The following ETS1 variants were observed in gnomAD, a reference collection of about 807,000 sequenced individuals.
The protein encoded by ETS1 is protein C-ets-1.
ETS1 carries 15 observed loss-of-function variants against 58.6 expected under a neutral mutation model. The observed-to-expected ratio is 0.26, with a 90% confidence interval of 0.17 to 0.39. The LOEUF (loss-of-function observed/expected upper bound fraction) is 0.39, where lower values mean the gene tolerates loss of function less well. Ranked by LOEUF, ETS1 falls within the 10% of genes least tolerant of loss-of-function variation. The pLI, the probability that ETS1 is intolerant of heterozygous loss-of-function variation, is 1.00. For synonymous variants in ETS1, 214 were observed against 218.2 expected, an observed-to-expected ratio of 0.98 and a Z score of 0.17; for missense variants, 417 against 610.5, an observed-to-expected ratio of 0.68 and a Z score of 3.34.
At chr11:128,536,435 ATAG>A (rs1863973799) in intron 3 of ETS1, 2 of 152,254 alleles carry the variant, frequency 1.3e-5, no homozygotes. Flanking sequence ...ATTTATTCAA[ATAG>A]TAAGAAGAGA....
At position 128,571,512 on chromosome 11, in the gene ETS1, A is replaced by AGCCTGGACG. The variant is rs1864632419; in HGVS notation, c.69+1549_69+1550insCGTCCAGGC. Among the ~76,000 whole-genome samples, 28 of 5,952 alleles carry AGCCTGGACG rather than the reference A, an allele frequency of 4.7e-3. 6 individuals are homozygous for AGCCTGGACG. Among genetic ancestry groups the AGCCTGGACG allele is most frequent in the African/African-American group, 0.02 (27 of 1,354 alleles). The allele number at this position is 5,952 out of a possible 152,430, so 3.9% of individuals were successfully genotyped here. ...GAGCAAGACTCCGTCAAAAAAAAAA[A>AGCCTGGACG]AAAAAAAAAAAAAAAAAAAAAAAAA... On this transcript the variant is annotated intron_variant, in intron 2 of 9. Transcript: ENST00000392668.
chr11:128,565,684 C>T (rs1049533331), intron 2 of ETS1, among the ~76,000 whole-genome samples: 6 of 152,176 alleles, frequency 3.9e-5, no homozygotes, highest in African/African-American at 1.4e-4. Flanking sequence ...ATTTCTGTGA[C>T]AACCACTAAG....
rs548185207 is a variant in ETS1, at chr11:128,556,419, T to C, written c.86A>G (p.Asn29Ser). 6.2e-7 allele frequency: 1 copy of C among 1,611,014 alleles called. No homozygotes were observed. Among genetic ancestry groups the C allele is most frequent in the East Asian group, 2.2e-5 (1 of 44,856 alleles). ...RPAVVRQGPS[N>S]TYEDPRMNCG... ...GTTCATTCGAGGATCTTCATAAGTGTTGCTAGGTCCTTGCCTCTGTGCAAG... is the reference window on the plus strand; with the variant it reads ...GTTCATTCGAGGATCTTCATAAGTGCTGCTAGGTCCTTGCCTCTGTGCAAG... Residue 29 changes from asparagine to serine, a missense_variant, in exon 3 of 10, where the codon AAC becomes AGC. By Grantham distance (46) the Asn-to-Ser change is conservative (BLOSUM62 1). Around this residue, in one of 4 missense-constraint regions of ETS1, gnomAD observed 90 missense variants for 90.3 expected, o/e 1.00. Transcript: ENST00000392668.
intron 3 of ETS1, among the ~76,000 whole-genome samples, chr11:128,509,097 C>T (rs2135496009): frequency 6.6e-6 from 1 of 152,266 alleles, no homozygotes; most frequent in African/African-American, 2.4e-5. Flanking sequence ...CCTTTGGAGA[C>T]TTTGCAGTCA....
At chr11:128,501,101 T>A (rs557966730) in intron 3 of ETS1, among the ~76,000 whole-genome samples, 1 of 152,296 alleles carries the variant, frequency 6.6e-6, no homozygotes, top group South Asian at 2.1e-4. Context: ...GCTTTCTTCC[T>A]CCTATCATCA....
At chr11:128,544,312 C>T (rs1055223942) in intron 3 of ETS1, among the ~76,000 whole-genome samples, 3 of 138,710 alleles carry the variant, frequency 2.2e-5, no homozygotes, top group African/African-American at 8.0e-5. Context: ...TTTGAAAGGG[C>T]AGATGAAAAA....
At chr11:128,494,096 C>T (rs1041929062) in intron 3 of ETS1, among the ~76,000 whole-genome samples, 1 of 152,210 alleles carries the variant, frequency 6.6e-6, no homozygotes, top group Non-Finnish European at 1.5e-5. Flanking sequence ...CCTCCATAGA[C>T]ATTAACTAAT....
rs1234586069 is a variant in ETS1 at position 128,460,380 on chromosome 11, C to T, written c.*1981G>A. On this transcript the variant is annotated 3_prime_UTR_variant, in exon 10 of 10. Coordinates refer to ENST00000392668, the MANE Select transcript of ETS1 (RefSeq NM_001143820.2). The stretch of plus-strand genomic sequence containing the variant: ...ACTCATGAATCACAGAGCTATGTTC[C>T]TGATAATTCTGGGTCTGCAAGAGGA... 1 of 152,740 alleles carries T rather than the reference C, an allele frequency of 6.5e-6. No individual in the cohort carries two copies. Among genetic ancestry groups the T allele is most frequent in the Non-Finnish European group, 1.5e-5 (1 of 68,036 alleles). 9.5% of individuals were successfully genotyped at this position (152,740 alleles called of 1,614,324 possible). A position where few individuals can be genotyped will look rare whatever the true frequency, so the allele number is the denominator to read the frequency against.
Position 128,480,514 on chromosome 11 carries a change from C to T in ETS1, c.863-63G>A, listed in dbSNP as rs139204197. ...AGGAGGGAGTGGGAAAAAAAAAAAA[C>T]TGTAAAAACCCTCTTATGGAGGACA... On this transcript the variant is annotated intron_variant, in intron 7 of 9. Coordinates refer to ENST00000392668, the MANE Select transcript of ETS1 (RefSeq NM_001143820.2). 9,917 of 1,061,406 alleles carry T rather than the reference C, an allele frequency of 9.3e-3. 127 individuals carry two copies. Among genetic ancestry groups the T allele is most frequent in the Non-Finnish European group, 8.8e-3 (6,177 of 702,888 alleles). The allele number at this position is 1,061,406 out of a possible 1,614,324, so 65.7% of individuals were successfully genotyped here.
At chr11:128,570,230 T>G (rs1240650003) in intron 2 of ETS1, among the ~76,000 whole-genome samples, 2 of 148,060 alleles carry the variant, frequency 1.4e-5, no homozygotes, top group African/African-American at 4.9e-5. Flanking sequence ...TTCTTTCTTT[T>G]TCTTTTCCTT....
rs201074015 is a variant in ETS1, at chr11:128,485,091, A to C, written c.614-20T>G. ...CATAGCCTGGAAACAAAGGGTTTGC[A>C]AGTAAAGAGAGGAGAGATTTGTACC... is the stretch of plus-strand genomic sequence containing the variant. On this transcript the variant is annotated intron_variant, in intron 6 of 9. Coordinates refer to ENST00000392668, the MANE Select transcript of ETS1 (RefSeq NM_001143820.2). 5.2e-5 allele frequency: 83 copies of C among 1,602,742 alleles called. No individual in the cohort carries two copies. Among genetic ancestry groups the C allele is most frequent in the Non-Finnish European group, 6.2e-5 (73 of 1,172,062 alleles).
intron 8 of ETS1, among the ~76,000 whole-genome samples, chr11:128,469,700 C>G (rs532112622): frequency 6.6e-6 from 1 of 152,176 alleles, no homozygotes; most frequent in Non-Finnish European, 1.5e-5. Flanking sequence ...ATGAATAACT[C>G]AAGAAACTGT....
intron 3 of ETS1, among the ~76,000 whole-genome samples, chr11:128,547,191 A>C (rs1474917523): frequency 1.3e-5 from 2 of 152,224 alleles, no homozygotes; most frequent in African/African-American, 4.8e-5. Context: ...AATTCATCCC[A>C]GTTCAACAAA....
chr11:128,536,416 G>A (rs1223972891), intron 3 of ETS1: 6 of 152,168 alleles, frequency 3.9e-5, no homozygotes, highest in African/African-American at 1.2e-4. Context: ...GATGCATATA[G>A]TCAATATAAT....
chr11:128,475,726 T>C (rs913669257), intron 8 of ETS1, among the ~76,000 whole-genome samples: 2 of 152,112 alleles, frequency 1.3e-5, no homozygotes, highest in African/African-American at 4.8e-5. Flanking sequence ...TAGTTTTTTG[T>C]ATTTTTAGTA....
At chr11:128,537,316 G>C (rs955007795) in intron 3 of ETS1, among the ~76,000 whole-genome samples, 1 of 152,032 alleles carries the variant, frequency 6.6e-6, no homozygotes, top group Admixed American at 6.6e-5. Context: ...GAGTGTGTAG[G>C]GGGAGAGGGA....
chr11:128,467,126 G>A (rs1862060663), intron 8 of ETS1, among the ~76,000 whole-genome samples: 1 of 152,202 alleles, frequency 6.6e-6, no homozygotes, highest in African/African-American at 2.4e-5. Context: ...GGAAAGACAT[G>A]GAAATGTTCT....
Position 128,459,654 on chromosome 11 carries a change from A to C in ETS1, c.*2707T>G, listed in dbSNP as rs1861853345. ...AGCATAAACGCAACATTTCCAGTGT[A>C]TAAACCACCCACCACTCTTCCTGGG... On this transcript the variant is annotated 3_prime_UTR_variant, in exon 10 of 10. Coordinates refer to ENST00000392668, the MANE Select transcript of ETS1 (RefSeq NM_001143820.2). 2 of 152,830 alleles carry C rather than the reference A, an allele frequency of 1.3e-5. No individual in the cohort carries two copies. Among genetic ancestry groups the C allele is most frequent in the South Asian group, 4.1e-4 (2 of 4,832 alleles). The allele number at this position is 152,830 out of a possible 1,614,324, so 9.5% of individuals were successfully genotyped here.
At chr11:128,567,644 T>G (rs1339106232) in intron 2 of ETS1, among the ~76,000 whole-genome samples, 1 of 151,918 alleles carries the variant, frequency 6.6e-6, no homozygotes, top group African/African-American at 2.4e-5. Flanking sequence ...GTTTTTGTTT[T>G]TGTTTTGAGA....
Sources: gnomAD v4.1 joint callset for allele counts (sites outside exome capture counted in the v4.1 genomes callset) on GRCh38, gnomAD v4.1.1 for gene constraint, gnomAD v4.1.1 regional missense constraint, MANE v1.5 for transcripts, NCBI Gene and HGNC (gene_info 2026-07-23, HGNC 2026-07-21) for gene names.